PDE4B: variants seen among roughly 807,000 people sequenced by gnomAD.
The protein encoded by PDE4B is phosphodiesterase 4B.
In PDE4B, 20 loss-of-function variants were observed where a neutral mutation model predicts 82.2. The ratio of observed to expected loss-of-function variants is 0.24; its 90% CI spans 0.17 to 0.35. PDE4B has a LOEUF of 0.35. PDE4B is among the 10% of genes least tolerant of loss of function. The probability of loss-of-function intolerance (pLI) is 1.00; values close to 1 mark genes in which losing one functional copy is unlikely to be tolerated. For synonymous variants in PDE4B, 320 were observed against 318.9 expected (o/e 1.00, Z -0.04); for missense variants, 655 against 907.2 (o/e 0.72, Z 3.57).
intron 3 of PDE4B, among the ~76,000 whole-genome samples, chr1:66,121,317 T>C (rs1645705135): frequency 6.6e-6 from 1 of 152,044 alleles, no homozygotes; most frequent in Non-Finnish European, 1.5e-5. Flanking sequence ...AATGGTAGAA[T>C]TTGCTCCAAC....
chr1:66,218,304 G>C (rs1650670547), intron 3 of PDE4B, among the ~76,000 whole-genome samples: 1 of 152,144 alleles, frequency 6.6e-6, no homozygotes, highest in Admixed American at 6.5e-5. Flanking sequence ...TCCAAGGACA[G>C]TGTCATTAGG....
intron 3 of PDE4B, among the ~76,000 whole-genome samples, chr1:66,125,617 A>G (rs981680556): frequency 4.6e-5 from 7 of 152,214 alleles, no homozygotes; most frequent in African/African-American, 1.2e-4. Flanking sequence ...CAATTAGCCT[A>G]TGGTAAAATT....
intron 3 of PDE4B, among the ~76,000 whole-genome samples, chr1:66,191,637 G>A (rs1167629239): frequency 6.6e-6 from 1 of 152,128 alleles, no homozygotes; most frequent in Non-Finnish European, 1.5e-5. Context: ...GCAAGTGGAA[G>A]GGGAGAATCG....
chr1:66,235,070 T>G (rs555348567), intron 3 of PDE4B, among the ~76,000 whole-genome samples: 1 of 152,336 alleles, frequency 6.6e-6, no homozygotes, highest in African/African-American at 2.4e-5. Context: ...CCAAAAATCT[T>G]TCTGGTTTTG....
intron 7 of PDE4B, among the ~76,000 whole-genome samples, chr1:66,296,955 C>T (rs1029979417): frequency 2.6e-5 from 4 of 152,158 alleles, no homozygotes; most frequent in East Asian, 1.9e-4. Flanking sequence ...AGTTGCCTTT[C>T]GAAAGAAGTT....
chr1:65,967,929 G>T (rs1649927222), intron 3 of PDE4B, among the ~76,000 whole-genome samples: 1 of 152,054 alleles, frequency 6.6e-6, no homozygotes, highest in East Asian at 1.9e-4. Flanking sequence ...ATAATGGGTT[G>T]ATGGGTGCAA....
At chr1:65,866,348 G>A (rs909323507) in intron 1 of PDE4B, among the ~76,000 whole-genome samples, 2 of 152,104 alleles carry the variant, frequency 1.3e-5, no homozygotes, top group Non-Finnish European at 2.9e-5. Context: ...TAACATGTAA[G>A]TAGGAGAAAA....
chr1:65,976,396 C>G (rs551136895), intron 3 of PDE4B, among the ~76,000 whole-genome samples: 2 of 152,268 alleles, frequency 1.3e-5, no homozygotes, highest in East Asian at 1.9e-4. Flanking sequence ...TTTGATTTTA[C>G]AGGCTTATAG....
chr1:65,837,872 T>G (rs1646159710), intron 1 of PDE4B, among the ~76,000 whole-genome samples: 2 of 152,090 alleles, frequency 1.3e-5, no homozygotes, highest in Admixed American at 1.3e-4. Flanking sequence ...CTAGTACCCA[T>G]TAGTTATTTT....
At chr1:66,216,456 G>A (rs1650469119) in intron 3 of PDE4B, among the ~76,000 whole-genome samples, 1 of 152,046 alleles carries the variant, frequency 6.6e-6, no homozygotes, top group Non-Finnish European at 1.5e-5. Context: ...GTTATAAAGA[G>A]GTATTAGAGT....
chr1:66,301,803 G>A (rs535427213), intron 7 of PDE4B, among the ~76,000 whole-genome samples: 2 of 152,242 alleles, frequency 1.3e-5, no homozygotes, highest in South Asian at 2.1e-4. Flanking sequence ...TTCTACCCAT[G>A]CGAGTTATAA....
intron 1 of PDE4B, among the ~76,000 whole-genome samples, chr1:65,858,745 G>A (rs1004648187): frequency 6.6e-6 from 1 of 152,012 alleles, no homozygotes; most frequent in African/African-American, 2.4e-5. Context: ...TATTGAGACT[G>A]ACTGTTTTAG....
At chr1:66,038,924 A>T (rs1282961417) in intron 3 of PDE4B, among the ~76,000 whole-genome samples, 1 of 152,026 alleles carries the variant, frequency 6.6e-6, no homozygotes, top group Non-Finnish European at 1.5e-5. Context: ...TTTTTTTTAA[A>T]ACAAAATGCA....
chr1:66,159,034 G>A (rs1570364876), intron 3 of PDE4B, among the ~76,000 whole-genome samples: 1 of 152,218 alleles, frequency 6.6e-6, no homozygotes, highest in South Asian at 2.1e-4. Flanking sequence ...ACACAATAAG[G>A]TGACACGTAA....
chr1:65,849,003 T>C (rs939375356), intron 1 of PDE4B, among the ~76,000 whole-genome samples: 1 of 152,082 alleles, frequency 6.6e-6, no homozygotes, highest in Non-Finnish European at 1.5e-5. Flanking sequence ...ATTAATAGAA[T>C]ACTATCATTA....
At chr1:66,185,362 G>C (rs1377477781) in intron 3 of PDE4B, among the ~76,000 whole-genome samples, 1 of 152,202 alleles carries the variant, frequency 6.6e-6, no homozygotes, top group Non-Finnish European at 1.5e-5. Context: ...ACCCAGTAAT[G>C]GGATTGCTGG....
intron 3 of PDE4B, among the ~76,000 whole-genome samples, chr1:66,234,928 A>G (rs774099024): frequency 4.6e-5 from 7 of 152,156 alleles, no homozygotes; most frequent in Admixed American, 1.3e-4. Flanking sequence ...ATGCTGCTTT[A>G]GCTGCATCCT....
intron 1 of PDE4B, among the ~76,000 whole-genome samples, chr1:65,888,848 T>G (rs1646821235): frequency 6.6e-6 from 1 of 152,176 alleles, no homozygotes; most frequent in African/African-American, 2.4e-5. Flanking sequence ...TCAGTTTTTT[T>G]GTGGAGTCTA....
chr1:66,029,161 G>A (rs2100791969), intron 3 of PDE4B, among the ~76,000 whole-genome samples: 1 of 152,276 alleles, frequency 6.6e-6, no homozygotes, highest in African/African-American at 2.4e-5. Flanking sequence ...GGAGGTGAAA[G>A]GCACTTCTTA....
Sources: allele counts gnomAD v4.1 joint callset (sites outside exome capture counted in the v4.1 genomes callset), GRCh38; gene constraint gnomAD v4.1.1; transcripts MANE v1.5; gene names NCBI Gene and HGNC (gene_info 2026-07-23, HGNC 2026-07-21).